The following USH1C variants were observed in gnomAD, a reference collection of about 807,000 sequenced individuals.
USH1C encodes the protein USH1 protein network component harmonin.
A neutral mutation model predicts 119.3 loss-of-function variants in USH1C; 90 were observed. The ratio of observed to expected loss-of-function variants is 0.75; its 90% CI spans 0.64 to 0.90. The LOEUF (loss-of-function observed/expected upper bound fraction) is 0.90. USH1C is among the 40% of genes least tolerant of loss of function. The pLI, the probability that USH1C is intolerant of heterozygous loss-of-function variation, is 0.00. For missense variants in USH1C, 1,165 were observed against 1,167.7 expected (o/e 1.00, Z 0.03); for synonymous variants, 465 against 443.3 (o/e 1.05, Z -0.62).
intron 14 of USH1C, chr11:17,516,741 T>G (rs1850164393): frequency 7.2e-6 from 2 of 278,400 alleles, no homozygotes; most frequent in Non-Finnish European, 1.4e-5. Context: ...CCTAGAACTG[T>G]TGTTCGACAG....
intron 25 of USH1C, among the ~76,000 whole-genome samples, chr11:17,495,924 G>C (rs1849234013): frequency 6.6e-6 from 1 of 152,032 alleles, no homozygotes; most frequent in African/African-American, 2.4e-5. Context: ...GTGGGTGAGT[G>C]GTGGGTGGGT....
In USH1C at chr11:17,531,454, G is replaced by T. The variant is rs1850976270; in HGVS notation, c.193C>A (p.Leu65Met). 1 of 1,614,100 alleles carries T rather than the reference G, an allele frequency of 6.2e-7. No homozygotes were observed. The highest frequency in any genetic ancestry group is 8.5e-7 in the Non-Finnish European group (1 of 1,180,036). Reference sequence around the variant, plus strand: ...TCCACCTGGTGCTTCAGTGGGATCAGCGGCCGAATGGCATCAAACAGAGGC... The same window carrying T: ...TCCACCTGGTGCTTCAGTGGGATCATCGGCCGAATGGCATCAAACAGAGGC... ...RLPLFDAIRPLIPLKHQVEYD... is the reference protein window; with the variant it reads ...RLPLFDAIRPMIPLKHQVEYD... Residue 65 changes from leucine (L) to methionine (M), a missense_variant, in exon 3 of 27, where the codon CTG becomes ATG. Coordinates refer to ENST00000005226, the MANE Select transcript of USH1C (RefSeq NM_153676.4). The surrounding 1 kb of genome is among the most constrained non-coding windows in gnomAD (Gnocchi z 4.2).
At chr11:17,514,774 A>C (rs1202927863) in intron 15 of USH1C, 1 of 146,914 alleles carries the variant, frequency 6.8e-6, no homozygotes. Flanking sequence ...CGATTGTGCT[A>C]TTGATTCTAC....
intron 14 of USH1C, chr11:17,516,706 A>G (rs565922199): frequency 1.6e-5 from 5 of 311,992 alleles, no homozygotes; most frequent in South Asian, 1.3e-4. Flanking sequence ...AAATGGCTCG[A>G]GACAAAAGGG....
Position 17,495,668 on chromosome 11 carries a change from A to G in USH1C, c.2556T>C (p.Leu852=). 2 of 1,614,138 alleles carry G rather than the reference A, an allele frequency of 1.2e-6. No individual in the cohort carries two copies. The highest frequency in any genetic ancestry group is 1.7e-6 in the Non-Finnish European group (2 of 1,180,018). The change falls in exon 26 of 27, where the codon CTT becomes CTC. Residue 852 remains leucine, a synonymous_variant. Transcript: ENST00000005226. ...PKEYDDELAS[L]PSSVAESPQP... ...GGGGGCTTTCAGCTACGGAGGAGGG[A>G]AGAGAAGCTCTATATATACAGAGCA...
chr11:17,526,792 G>A lies in USH1C; in HGVS notation c.540C>T (p.Leu180=), dbSNP rs145510974. The change falls in exon 7 of 27, where the codon CTC becomes CTT. Residue 180 remains leucine, a synonymous_variant. Coordinates refer to ENST00000005226, the MANE Select transcript of USH1C (RefSeq NM_153676.4). ...CAAACTGATCCACATACTGCCAAGT[G>A]AGGGGCTCATCAGGAGAGCTGATGG... is the stretch of plus-strand genomic sequence containing the variant. ...IPVKSSPDEP[L]TWQYVDQFVS... is the part of the protein sequence containing the mutation. 6.0e-5 allele frequency: 97 copies of A among 1,614,182 alleles called. No individual in the cohort carries two copies. Among genetic ancestry groups the A allele is most frequent in the Non-Finnish European group, 7.8e-5 (92 of 1,180,016 alleles).
chr11:17,537,404 C>T (rs1175097382), intron 1 of USH1C, among the ~76,000 whole-genome samples: 7 of 152,138 alleles, frequency 4.6e-5, no homozygotes, highest in Non-Finnish European at 8.8e-5. Context: ...TCTTCATTTC[C>T]CTGTGGAACC....
chr11:17,543,002 C>T (rs1851533596), intron 1 of USH1C, among the ~76,000 whole-genome samples: 1 of 152,240 alleles, frequency 6.6e-6, no homozygotes, highest in Non-Finnish European at 1.5e-5. Flanking sequence ...TGTGCCCCTA[C>T]AAAAGCTTGG....
At chr11:17,527,383 T>C in intron 4 of USH1C, 52 bp from the exon 5 acceptor site, 1 of 1,392,494 alleles carries the variant, frequency 7.2e-7, no homozygotes, top group African/African-American at 1.4e-5. Flanking sequence ...CATCAGGCAG[T>C]GGGGCAGACT....
At chr11:17,519,013 C>T (rs1484546244) in intron 14 of USH1C, among the ~76,000 whole-genome samples, 1 of 149,570 alleles carries the variant, frequency 6.7e-6, no homozygotes, top group African/African-American at 2.5e-5. Flanking sequence ...AAGAGCAAAA[C>T]TCTGTCTCAA....
At chr11:17,516,323 C>T in intron 14 of USH1C, 33 bp from the exon 15 acceptor site, 1 of 1,602,240 alleles carries the variant, frequency 6.2e-7, no homozygotes, top group South Asian at 1.1e-5. Flanking sequence ...TGATGAGACA[C>T]AGTTCAGCTC....
chr11:17,516,362 G>GAACCC, intron 14 of USH1C, 72 bp from the exon 15 acceptor site: 1 of 1,486,600 alleles, frequency 6.7e-7, no homozygotes, highest in Non-Finnish European at 9.3e-7. Context: ...CAGCAGATGG[G>GAACCC]AGCTGGGTTC....
chr11:17,500,631 A>G lies in USH1C; in HGVS notation c.2380+420T>C, dbSNP rs559810086. ...CCTTTCTCCCCTTCGCGAGGCTGACATTGACTATGCTCAGCTCAGGGTTCG... is the reference window on the plus strand; with the variant it reads ...CCTTTCTCCCCTTCGCGAGGCTGACGTTGACTATGCTCAGCTCAGGGTTCG... On this transcript the variant is annotated intron_variant, in intron 23 of 26. Transcript: ENST00000005226. Among the ~76,000 whole-genome samples the G allele has an allele frequency of 5.3e-5, 8 of 152,080 alleles. No homozygotes were observed. The South Asian group carries it at 1.7e-3, about 32-fold the overall frequency.
At chr11:17,517,103 G>A (rs1850184561) in intron 14 of USH1C, among the ~76,000 whole-genome samples, 1 of 152,180 alleles carries the variant, frequency 6.6e-6, no homozygotes, top group South Asian at 2.1e-4. Context: ...TGGTCTAGGG[G>A]GTCCTGGGGG....
chr11:17,509,827 C>T lies in USH1C; in HGVS notation c.1542G>A (p.Gly514=), dbSNP rs1452856374. The change falls in exon 18 of 27, where the codon GGG becomes GGA. Residue 514 remains glycine (G), a synonymous_variant. Coordinates refer to ENST00000005226, the MANE Select transcript of USH1C (RefSeq NM_153676.4). Reference sequence around the variant, plus strand: ...ACACAGAAGGCGGGGGAGGCGGGGGCCCTGTGGTCATCTGGGGGTGTTGCA... The same window carrying T: ...ACACAGAAGGCGGGGGAGGCGGGGGTCCTGTGGTCATCTGGGGGTGTTGCA... ...ADNEISEMTT[G]PPPPPPSVSP... The T allele has an allele frequency of 6.3e-7, 1 of 1,595,058 alleles. No homozygotes were observed. Among genetic ancestry groups the T allele is most frequent in the Non-Finnish European group, 8.5e-7 (1 of 1,177,184 alleles).
rs537610769 is a variant in USH1C, at chr11:17,521,009, C to T, written c.1086-15G>A. 1 of 1,613,930 alleles carries T rather than the reference C, an allele frequency of 6.2e-7. No individual in the cohort carries two copies. Among genetic ancestry groups the T allele is most frequent in the East Asian group, 2.2e-5 (1 of 44,874 alleles). On this transcript the variant is annotated splice_polypyrimidine_tract_variant and intron_variant, in intron 13 of 26. Transcript: ENST00000005226. ...CCTCTACAATCCTAAAATGAGACCC[C>T]CATGCCTGTTACTGGAGTCAGAACC...
chr11:17,529,073 G>T (rs1457952270), intron 4 of USH1C, among the ~76,000 whole-genome samples: 1 of 152,162 alleles, frequency 6.6e-6, no homozygotes, highest in African/African-American at 2.4e-5. Flanking sequence ...GAAAAGAAGG[G>T]CATCCGGCCA....
At chr11:17,533,383 T>G in intron 1 of USH1C, 61 bp from the exon 2 acceptor site, 1 of 1,250,658 alleles carries the variant, frequency 8.0e-7, no homozygotes, top group Non-Finnish European at 1.2e-6. Flanking sequence ...ATAGCAGACC[T>G]CAGGGAGGAG....
chr11:17,505,993 G>A, intron 18 of USH1C, 44 bp from the exon 19 acceptor site: 1 of 1,613,752 alleles, frequency 6.2e-7, no homozygotes, highest in South Asian at 1.1e-5. Context: ...GTCATGGTGG[G>A]GTGGCCAAGG....
Sources: gnomAD v4.1 joint callset for allele counts (sites outside exome capture counted in the v4.1 genomes callset) on GRCh38, gnomAD v4.1.1 for gene constraint, Gnocchi (gnomAD v3.1) non-coding constraint, MANE v1.5 for transcripts, NCBI Gene and HGNC (gene_info 2026-07-23, HGNC 2026-07-21) for gene names.